Variants in GRAMD4 observed in about 807,000 individuals in gnomAD.
GRAMD4 encodes the protein GRAM domain-containing protein 4.
Under a neutral mutation model 83.9 loss-of-function variants are expected in GRAMD4, and 25 were observed. The ratio of observed to expected loss-of-function variants is 0.30; its 90% CI spans 0.22 to 0.42. GRAMD4 has a LOEUF of 0.42. GRAMD4 is among the 10% of genes least tolerant of loss of function. The pLI, the probability that GRAMD4 is intolerant of heterozygous loss-of-function variation, is 1.00. For synonymous variants in GRAMD4, 336 were observed against 320.9 expected (o/e 1.05, Z -0.50); for missense variants, 593 against 788.7 (o/e 0.75, Z 2.97).
At chr22:46,593,871 G>A (rs2081234142) in intron 1 of GRAMD4, among the ~76,000 whole-genome samples, 1 of 151,894 alleles carries the variant, frequency 6.6e-6, no homozygotes, top group Non-Finnish European at 1.5e-5. Flanking sequence ...TTACAGGCGT[G>A]CACCACCACC....
At chr22:46,608,446 A>C (rs1454425258) in intron 1 of GRAMD4, among the ~76,000 whole-genome samples, 3 of 152,220 alleles carry the variant, frequency 2.0e-5, no homozygotes, top group Admixed American at 6.5e-5. Flanking sequence ...TGGGAGGCCG[A>C]GGCAGGCGGA....
chr22:46,647,121 C>G (rs1252005356), intron 3 of GRAMD4, among the ~76,000 whole-genome samples: 1 of 152,154 alleles, frequency 6.6e-6, no homozygotes. Flanking sequence ...CAGGGCCAGA[C>G]ACTGGGTTGG....
chr22:46,592,143 G>A (rs535667464), intron 1 of GRAMD4, among the ~76,000 whole-genome samples: 261 of 152,298 alleles, frequency 1.7e-3, no homozygotes, highest in African/African-American at 6.0e-3. Flanking sequence ...CTCAGGTTAG[G>A]TGGTGCCATA....
At chr22:46,588,628 G>A (rs2081175064) in intron 1 of GRAMD4, among the ~76,000 whole-genome samples, 1 of 152,194 alleles carries the variant, frequency 6.6e-6, no homozygotes, top group African/African-American at 2.4e-5. Flanking sequence ...TCCTGGCTGG[G>A]GGGCAGGGGT....
At position 46,637,960 on chromosome 22, in the gene GRAMD4, C is replaced by G; in HGVS notation, c.283C>G (p.Gln95Glu). Residue 95 changes from glutamine to glutamate, a missense_variant and splice_region_variant, in exon 3 of 19, where the codon CAG becomes GAG. This residue lies in a region of GRAMD4 where 312 missense variants were observed against 350.7 expected (regional missense o/e 0.89). Transcript: ENST00000406902. ...EIALLEKHFL[Q>E]EELRKLREET... ...TGCCTTATTGGAAAAACATTTCTTA[C>G]GTGAGTACCAGAAAGCGCTTGGAGG... is the stretch of plus-strand genomic sequence containing the variant. 2 of 1,613,402 alleles carry G rather than the reference C, an allele frequency of 1.2e-6. No homozygotes were observed. Among genetic ancestry groups the G allele is most frequent in the Non-Finnish European group, 1.7e-6 (2 of 1,179,522 alleles).
intron 13 of GRAMD4, among the ~76,000 whole-genome samples, chr22:46,670,350 G>T (rs575541701): frequency 6.6e-6 from 1 of 152,256 alleles, no homozygotes; most frequent in Admixed American, 6.5e-5. Context: ...GCATCACCAG[G>T]AGTGGGCAGA....
chr22:46,631,329 T>A (rs902496683), intron 2 of GRAMD4, among the ~76,000 whole-genome samples: 1 of 152,138 alleles, frequency 6.6e-6, no homozygotes, highest in African/African-American at 2.4e-5. Context: ...AGCTCCCTGG[T>A]GGGAATTCCT....
chr22:46,658,699 C>A (rs1032077561), intron 4 of GRAMD4, among the ~76,000 whole-genome samples: 1 of 152,062 alleles, frequency 6.6e-6, no homozygotes, highest in Non-Finnish European at 1.5e-5. Flanking sequence ...AGTGCCCCAC[C>A]CCGGGGGCCA....
chr22:46,581,014 C>G (rs914314463), intron 1 of GRAMD4, among the ~76,000 whole-genome samples: 2 of 151,688 alleles, frequency 1.3e-5, no homozygotes, highest in Non-Finnish European at 2.9e-5. Flanking sequence ...ATGCGTGTTT[C>G]CCTAATTGGA....
intron 1 of GRAMD4, among the ~76,000 whole-genome samples, chr22:46,594,046 A>G (rs1051046988): frequency 6.6e-6 from 1 of 151,538 alleles, no homozygotes; most frequent in African/African-American, 2.4e-5. Flanking sequence ...ATTTTTAATA[A>G]TGTAATGGGA....
At position 46,675,489 on chromosome 22, in the gene GRAMD4, C is replaced by T; in HGVS notation, c.1500C>T (p.Ser500=). Reference sequence around the variant, plus strand: ...CCAGTTACTTGTGCTTCGAAAGCTCCAAATCTGGGTCCTCAAAGAGGAACA... The same window carrying T: ...CCAGTTACTTGTGCTTCGAAAGCTCTAAATCTGGGTCCTCAAAGAGGAACA... ...VTENYLCFES[S]KSGSSKRNKV... is the part of the protein sequence containing the mutation. Residue 500 remains serine (S), a synonymous_variant, in exon 17 of 19, where the codon TCC becomes TCT. Transcript: ENST00000406902. The T allele has an allele frequency of 6.2e-7, 1 of 1,613,136 alleles. No homozygotes were observed. The highest frequency in any genetic ancestry group is 2.2e-5 in the East Asian group (1 of 44,882).
At chr22:46,641,021 G>A (rs549354375) in intron 3 of GRAMD4, among the ~76,000 whole-genome samples, 29 of 152,234 alleles carry the variant, frequency 1.9e-4, no homozygotes, top group South Asian at 1.9e-3. Flanking sequence ...GATAGGGATC[G>A]AGCCGCTGCA....
intron 1 of GRAMD4, among the ~76,000 whole-genome samples, chr22:46,598,386 C>T (rs919352283): frequency 6.6e-5 from 10 of 151,914 alleles, no homozygotes; most frequent in East Asian, 1.9e-4. Flanking sequence ...AGATGGAGAG[C>T]GGGAGGGAGG....
intron 2 of GRAMD4, among the ~76,000 whole-genome samples, chr22:46,634,846 G>C (rs908927298): frequency 1.3e-5 from 2 of 152,018 alleles, no homozygotes; most frequent in Non-Finnish European, 2.9e-5. Flanking sequence ...TGGAGGCTGA[G>C]GCAGGAGAAT....
chr22:46,607,745 A>G (rs2081379537), intron 1 of GRAMD4, among the ~76,000 whole-genome samples: 1 of 152,172 alleles, frequency 6.6e-6, no homozygotes, highest in African/African-American at 2.4e-5. Context: ...TGTGCTCGGA[A>G]TGGGACCGAG....
At position 46,626,903 on chromosome 22, in the gene GRAMD4, A is replaced by T; in HGVS notation, c.104A>T (p.Glu35Val). The change falls in exon 2 of 19, where the codon GAA becomes GTA. Residue 35 changes from glutamate to valine, a missense_variant. Physicochemically the swap from Glu to Val is moderately radical, Grantham distance 121. This residue lies in a region of GRAMD4 where 312 missense variants were observed against 350.7 expected (regional missense o/e 0.89). Coordinates refer to ENST00000406902, the MANE Select transcript of GRAMD4 (RefSeq NM_015124.5). ...GCCTCGGACACCGAATGCAGCGACGAAATCCCCCTGAAGGTACCGCGGACC... is the reference window on the plus strand; with the variant it reads ...GCCTCGGACACCGAATGCAGCGACGTAATCCCCCTGAAGGTACCGCGGACC... ...PNASDTECSDEIPLKVPRTSP... is the reference protein window; with the variant it reads ...PNASDTECSDVIPLKVPRTSP... 2 of 1,614,202 alleles carry T rather than the reference A, an allele frequency of 1.2e-6. No homozygotes were observed. The highest frequency in any genetic ancestry group is 1.7e-6 in the Non-Finnish European group (2 of 1,180,012).
At position 46,678,585 on chromosome 22, in the gene GRAMD4, G is replaced by GCAGCTCCCT. The variant is rs979270668; in HGVS notation, c.*1340_*1348dup. 5 of 985,406 alleles carry GCAGCTCCCT rather than the reference G, an allele frequency of 5.1e-6. No homozygotes were observed. Among genetic ancestry groups the GCAGCTCCCT allele is most frequent in the Admixed American group, 6.1e-5 (1 of 16,276 alleles). The allele number at this position is 985,406 out of a possible 1,614,324, so 61.0% of individuals were successfully genotyped here. ...CTGCGTGTCTGCTGGGGCGGATCCC[G>GCAGCTCCCT]CAGCTCCCTCAGCTTGTCCTGAGTC... On this transcript the variant is annotated 3_prime_UTR_variant, in exon 19 of 19. Coordinates refer to ENST00000406902, the MANE Select transcript of GRAMD4 (RefSeq NM_015124.5).
At chr22:46,599,816 C>T (rs1245050866) in intron 1 of GRAMD4, among the ~76,000 whole-genome samples, 2 of 152,154 alleles carry the variant, frequency 1.3e-5, no homozygotes, top group Non-Finnish European at 1.5e-5. Flanking sequence ...CCATGGTCGC[C>T]GTCGCTGGAG....
intron 2 of GRAMD4, among the ~76,000 whole-genome samples, chr22:46,630,093 C>T (rs946181711): frequency 1.1e-4 from 16 of 151,068 alleles, no homozygotes; most frequent in Non-Finnish European, 1.5e-4. Flanking sequence ...GGTGTGATCT[C>T]GGCTCACTGC....
Sources: gnomAD v4.1 joint callset for allele counts (sites outside exome capture counted in the v4.1 genomes callset) on GRCh38, gnomAD v4.1.1 for gene constraint, gnomAD v4.1.1 regional missense constraint, MANE v1.5 for transcripts, NCBI Gene and HGNC (gene_info 2026-07-23, HGNC 2026-07-21) for gene names.